SPAG16: variants seen among roughly 807,000 people sequenced by gnomAD.
The protein encoded by SPAG16 is sperm associated antigen 16, also known as sperm-associated antigen 16 protein.
SPAG16 carries 86 observed loss-of-function variants against 80.4 expected under a neutral mutation model. The observed-to-expected ratio is 1.07, with a 90% CI of 0.90 to 1.28. The LOEUF (loss-of-function observed/expected upper bound fraction) is 1.28. Among genes scored for constraint, SPAG16 ranks in the 50% most tolerant of loss-of-function variants. The probability of loss-of-function intolerance (pLI) is 0.00; values close to 1 mark genes in which losing one functional copy is unlikely to be tolerated. For synonymous variants in SPAG16, 294 were observed against 265.9 expected, an observed-to-expected ratio of 1.11 and a Z score of -1.03; for missense variants, 870 against 765.3, an observed-to-expected ratio of 1.14 and a Z score of -1.61.
At chr2:213,395,137 A>G (rs771755523) in intron 9 of SPAG16, among the ~76,000 whole-genome samples, 3 of 152,134 alleles carry the variant, frequency 2.0e-5, no homozygotes, top group Non-Finnish European at 4.4e-5. Flanking sequence ...GTCTTGCTAT[A>G]TAGCAATTTA....
chr2:213,556,297 CAAA>C (rs35316956), intron 10 of SPAG16, among the ~76,000 whole-genome samples: 1 of 79,726 alleles, frequency 1.3e-5, no homozygotes. Flanking sequence ...CTGAATGGGT[CAAA>C]AAAAAAAAAA....
intron 13 of SPAG16, among the ~76,000 whole-genome samples, chr2:214,104,686 T>A (rs886416004): frequency 6.6e-6 from 1 of 152,184 alleles, no homozygotes; most frequent in African/African-American, 2.4e-5. Flanking sequence ...AAGATCAAAA[T>A]AGACAGTTGG....
At chr2:213,566,319 G>A (rs1210736281) in intron 10 of SPAG16, among the ~76,000 whole-genome samples, 3 of 152,064 alleles carry the variant, frequency 2.0e-5, no homozygotes, top group Admixed American at 6.6e-5. Flanking sequence ...TATATTATTA[G>A]TATTTATTTA....
chr2:213,748,029 C>T (rs1309850350), intron 10 of SPAG16, among the ~76,000 whole-genome samples: 2 of 151,626 alleles, frequency 1.3e-5, no homozygotes, highest in Admixed American at 1.3e-4. Flanking sequence ...ATACCCTTGT[C>T]TTTAAAAAAG....
intron 10 of SPAG16, among the ~76,000 whole-genome samples, chr2:213,792,505 T>A (rs2070760244): frequency 6.6e-6 from 1 of 151,896 alleles, no homozygotes. Context: ...TCCTCTCACT[T>A]CTCTTAGGAC....
At chr2:213,382,553 A>G (rs1412011112) in intron 9 of SPAG16, among the ~76,000 whole-genome samples, 2 of 152,216 alleles carry the variant, frequency 1.3e-5, no homozygotes, top group African/African-American at 4.8e-5. Context: ...CCCAAGGAGA[A>G]TTGTCTTATA....
chr2:213,842,497 G>A (rs918727120), intron 10 of SPAG16, among the ~76,000 whole-genome samples: 3 of 151,958 alleles, frequency 2.0e-5, no homozygotes, highest in African/African-American at 7.2e-5. Context: ...ACTTATATAA[G>A]TTTACTAAGA....
intron 10 of SPAG16, among the ~76,000 whole-genome samples, chr2:213,564,441 G>T (rs1372196608): frequency 1.3e-5 from 2 of 150,126 alleles, no homozygotes; most frequent in African/African-American, 4.9e-5. Context: ...GTTGCAGTGA[G>T]CCAAGATTGC....
chr2:213,434,158 G>A (rs1575581314), intron 9 of SPAG16, among the ~76,000 whole-genome samples: 1 of 152,106 alleles, frequency 6.6e-6, no homozygotes, highest in Admixed American at 6.5e-5. Flanking sequence ...GACCTCAGGT[G>A]ATCCACCTGC....
chr2:213,767,712 G>T (rs1305595035), intron 10 of SPAG16, among the ~76,000 whole-genome samples: 1 of 150,302 alleles, frequency 6.7e-6, no homozygotes, highest in East Asian at 1.9e-4. Context: ...AATCCTTTAG[G>T]TTACTAAAGG....
At chr2:213,416,896 C>T (rs1241930101) in intron 9 of SPAG16, among the ~76,000 whole-genome samples, 1 of 152,154 alleles carries the variant, frequency 6.6e-6, no homozygotes, top group African/African-American at 2.4e-5. Flanking sequence ...TAGGCCAGAG[C>T]CTTTACTGAG....
chr2:213,930,208 A>G (rs1003060058), intron 12 of SPAG16, 63 bp downstream of exon 12: 1 of 1,327,008 alleles, frequency 7.5e-7, no homozygotes, highest in African/African-American at 1.5e-5. Flanking sequence ...GTAAAGTGGT[A>G]AAGTTCTTTT....
chr2:214,145,388 T>C (rs2055588775), intron 14 of SPAG16, among the ~76,000 whole-genome samples: 2 of 152,142 alleles, frequency 1.3e-5, no homozygotes, highest in African/African-American at 4.8e-5. Context: ...TAATGCTACA[T>C]TGGTTTTTTC....
intron 15 of SPAG16, among the ~76,000 whole-genome samples, chr2:214,259,962 C>G (rs1686413813): frequency 6.6e-6 from 1 of 152,078 alleles, no homozygotes; most frequent in Admixed American, 6.6e-5. Context: ...AGAACTGCGC[C>G]ATTTTACTAA....
At chr2:213,693,343 C>T (rs75430615) in intron 10 of SPAG16, among the ~76,000 whole-genome samples, 5,564 of 152,180 alleles carry the variant, frequency 0.037, 334 homozygotes, top group African/African-American at 0.12. Context: ...AGAGCAAAGG[C>T]GAACATTTAG....
chr2:213,577,478 C>T (rs1358969609), intron 10 of SPAG16, among the ~76,000 whole-genome samples: 1 of 152,110 alleles, frequency 6.6e-6, no homozygotes, highest in African/African-American at 2.4e-5. Flanking sequence ...TAATCCTCTT[C>T]CCTCCGTTTC....
intron 3 of SPAG16, among the ~76,000 whole-genome samples, chr2:213,306,422 GT>G (rs1050016631): frequency 6.7e-5 from 10 of 149,728 alleles, no homozygotes; most frequent in Non-Finnish European, 1.3e-4. Context: ...GTTAGGGGAG[GT>G]GTGGCACAAG....
chr2:214,125,562 G>T (rs188614402), intron 14 of SPAG16, among the ~76,000 whole-genome samples: 5 of 151,514 alleles, frequency 3.3e-5, no homozygotes, highest in African/African-American at 1.2e-4. Flanking sequence ...GCAAACAGAA[G>T]GACAGTCTGT....
intron 9 of SPAG16, among the ~76,000 whole-genome samples, chr2:213,416,923 C>T (rs2069290448): frequency 6.6e-6 from 1 of 152,148 alleles, no homozygotes; most frequent in South Asian, 2.1e-4. Flanking sequence ...ACAGGAAGGG[C>T]AAGGCAGGAC....
Sources: allele counts gnomAD v4.1 joint callset (sites outside exome capture counted in the v4.1 genomes callset), GRCh38; gene constraint gnomAD v4.1.1; transcripts MANE v1.5; gene names NCBI Gene and HGNC (gene_info 2026-07-23, HGNC 2026-07-21).